ASIC2: variants seen among roughly 807,000 people sequenced by gnomAD.
ASIC2 encodes the protein acid-sensing ion channel 2.
A neutral mutation model predicts 57.3 loss-of-function variants in ASIC2; 25 were observed. That is an observed-to-expected ratio of 0.44 (90% CI 0.32 to 0.61). The LOEUF (loss-of-function observed/expected upper bound fraction) is 0.61, where lower values mean the gene tolerates loss of function less well. Among genes scored for constraint, ASIC2 ranks in the 20% least tolerant of loss-of-function variants. The probability of loss-of-function intolerance (pLI) is 0.06; values close to 1 mark genes in which losing one functional copy is unlikely to be tolerated. For synonymous variants in ASIC2, 319 were observed against 307.5 expected (o/e 1.04, Z -0.39); for missense variants, 641 against 738.1 (o/e 0.87, Z 1.52).
chr17:33,331,371 A>T (rs897095207), intron 1 of ASIC2, among the ~76,000 whole-genome samples: 1 of 152,168 alleles, frequency 6.6e-6, no homozygotes. Context: ...AGATGTTAAG[A>T]TGTTACATTT....
intron 1 of ASIC2, among the ~76,000 whole-genome samples, chr17:33,637,887 T>G (rs2142031621): frequency 6.6e-6 from 1 of 152,008 alleles, no homozygotes; most frequent in African/African-American, 2.4e-5. Context: ...GAGGTTAGGG[T>G]TTTTCAAGGA....
rs147942601 is a variant in ASIC2, at chr17:33,264,658, C to A, written c.708+26750G>T. 1.5e-3 allele frequency among the ~76,000 whole-genome samples: 236 copies of A among 152,312 alleles called. 1 individual carries two copies. The highest frequency in any genetic ancestry group is 5.5e-3 in the African/African-American group (228 of 41,574). On this transcript the variant is annotated intron_variant, in intron 1 of 9. Coordinates refer to ENST00000225823, the MANE Select transcript of ASIC2 (RefSeq NM_183377.2). ...GAACAATGTCAGATCAAGAGCCAAG[C>A]GATCAGTGCTTTGGTCCCCCTGTTT...
chr17:34,026,155 T>G (rs1907370349), intron 1 of ASIC2, among the ~76,000 whole-genome samples: 1 of 152,136 alleles, frequency 6.6e-6, no homozygotes, highest in Admixed American at 6.6e-5. Context: ...TGCAATAAGT[T>G]TGCTGGTATT....
intron 1 of ASIC2, among the ~76,000 whole-genome samples, chr17:33,662,427 C>T (rs892158445): frequency 6.6e-6 from 1 of 151,864 alleles, no homozygotes; most frequent in South Asian, 2.1e-4. Context: ...TTGAGACCAG[C>T]CTGGCCAACA....
chr17:33,439,157 T>A (rs926692065), intron 1 of ASIC2, among the ~76,000 whole-genome samples: 6 of 152,126 alleles, frequency 3.9e-5, no homozygotes, highest in Non-Finnish European at 7.4e-5. Flanking sequence ...GGTGGGGAAT[T>A]CTTGCAGTGC....
chr17:34,111,943 A>T (rs1911289235), intron 1 of ASIC2, among the ~76,000 whole-genome samples: 1 of 152,218 alleles, frequency 6.6e-6, no homozygotes, highest in African/African-American at 2.4e-5. Context: ...AAGATAATAG[A>T]ATACAAAATT....
chr17:34,073,862 A>G (rs556522970), intron 1 of ASIC2, among the ~76,000 whole-genome samples: 1 of 152,302 alleles, frequency 6.6e-6, no homozygotes, highest in Admixed American at 6.5e-5. Context: ...GATGGAGTAA[A>G]GTGAGAGCAG....
At chr17:33,770,364 A>G (rs1010661764) in intron 1 of ASIC2, among the ~76,000 whole-genome samples, 1 of 152,190 alleles carries the variant, frequency 6.6e-6, no homozygotes, top group African/African-American at 2.4e-5. Flanking sequence ...AGTTGGTGTA[A>G]ACATTTAATG....
intron 1 of ASIC2, among the ~76,000 whole-genome samples, chr17:33,735,964 G>T (rs1909898271): frequency 1.3e-5 from 2 of 152,102 alleles, no homozygotes; most frequent in Middle Eastern, 3.4e-3. Context: ...TAAATGAACG[G>T]CTTCAAGATC....
chr17:33,243,888 A>C (rs1461355255), intron 1 of ASIC2, among the ~76,000 whole-genome samples: 1 of 152,172 alleles, frequency 6.6e-6, no homozygotes, highest in African/African-American at 2.4e-5. Flanking sequence ...AGTTGGGAAA[A>C]GCAAGTGCTA....
intron 1 of ASIC2, among the ~76,000 whole-genome samples, chr17:33,566,232 T>C (rs911898918): frequency 6.6e-6 from 1 of 152,242 alleles, no homozygotes; most frequent in Non-Finnish European, 1.5e-5. Flanking sequence ...CTTGAGATAA[T>C]TGCATTTTGT....
chr17:34,075,823 C>CTTTTTTTT (rs57703083), intron 1 of ASIC2, among the ~76,000 whole-genome samples: 1 of 77,548 alleles, frequency 1.3e-5, no homozygotes, highest in Admixed American at 1.7e-4. Context: ...TTTCTTTTTC[C>CTTTTTTTT]TTTTTTTTTT....
intron 1 of ASIC2, among the ~76,000 whole-genome samples, chr17:34,048,761 A>C (rs563582743): frequency 6.6e-6 from 1 of 152,344 alleles, no homozygotes; most frequent in South Asian, 2.1e-4. Flanking sequence ...ACAGTCTTCC[A>C]TCGGATGTTG....
intron 1 of ASIC2, among the ~76,000 whole-genome samples, chr17:33,742,586 C>T (rs1360194762): frequency 1.3e-5 from 2 of 152,138 alleles, no homozygotes; most frequent in Non-Finnish European, 2.9e-5. Flanking sequence ...GGCAGGTAGA[C>T]AAATGAATGG....
At chr17:33,753,158 C>T (rs948027281) in intron 1 of ASIC2, among the ~76,000 whole-genome samples, 2 of 152,192 alleles carry the variant, frequency 1.3e-5, no homozygotes, top group African/African-American at 4.8e-5. Context: ...CATAGAAAGA[C>T]ATGGAGAATC....
At chr17:34,093,440 C>T (rs1421875697) in intron 1 of ASIC2, among the ~76,000 whole-genome samples, 1 of 152,236 alleles carries the variant, frequency 6.6e-6, no homozygotes, top group Non-Finnish European at 1.5e-5. Flanking sequence ...TGACCCACGT[C>T]AAGCCCCACA....
chr17:34,056,254 T>C (rs1451868762), intron 1 of ASIC2, among the ~76,000 whole-genome samples: 2 of 151,812 alleles, frequency 1.3e-5, no homozygotes, highest in African/African-American at 4.8e-5. Context: ...CATGGCAGAG[T>C]AGACATTAAG....
chr17:33,340,870 T>C (rs1258181933), intron 1 of ASIC2, among the ~76,000 whole-genome samples: 4 of 152,054 alleles, frequency 2.6e-5, no homozygotes, highest in African/African-American at 9.7e-5. Flanking sequence ...GGGTGCATCA[T>C]TTAGGGAGGA....
chr17:34,113,954 T>C (rs1911354652), intron 1 of ASIC2, among the ~76,000 whole-genome samples: 1 of 152,220 alleles, frequency 6.6e-6, no homozygotes, highest in Non-Finnish European at 1.5e-5. Flanking sequence ...GTTATCCTCA[T>C]CATTTAAAAG....
Sources: allele counts gnomAD v4.1 joint callset (sites outside exome capture counted in the v4.1 genomes callset), GRCh38; gene constraint gnomAD v4.1.1; transcripts MANE v1.5; gene names NCBI Gene and HGNC (gene_info 2026-07-23, HGNC 2026-07-21).